Variants in CD28 observed in about 807,000 individuals in gnomAD.
The protein encoded by CD28 is CD28 molecule.
In CD28, 8 loss-of-function variants were observed where a neutral mutation model predicts 21.4. That is an observed-to-expected ratio of 0.37 (90% CI 0.22 to 0.68). The LOEUF is 0.68. CD28 is among the 30% of genes least tolerant of loss of function. The probability of loss-of-function intolerance (pLI) is 0.55; values close to 1 mark genes in which losing one functional copy is unlikely to be tolerated. For synonymous variants in CD28, 106 were observed against 104.0 expected (o/e 1.02, Z -0.12); for missense variants, 239 against 272.2 (o/e 0.88, Z 0.86).
At chr2:203,729,584 A>G (rs1693834981) in intron 2 of CD28, 64 bp from the exon 3 acceptor site, 1 of 1,506,208 alleles carries the variant, frequency 6.6e-7, no homozygotes, top group Non-Finnish European at 9.1e-7. Flanking sequence ...TGATGTTCAC[A>G]AGGAAGGAAA....
At position 203,708,480 on chromosome 2, in the gene CD28, G is replaced by A. The variant is rs76519952; in HGVS notation, c.52+1732G>A. Among the ~76,000 whole-genome samples, 1,074 of 152,320 alleles carry A rather than the reference G, an allele frequency of 7.1e-3. 18 individuals carry two copies. The highest frequency in any genetic ancestry group is 0.024 in the African/African-American group (989 of 41,576). The stretch of plus-strand genomic sequence containing the variant: ...TGAAAACTATTTAAAATTGGTAATT[G>A]TACACTAAATACTTTTCTGATGTGC... On this transcript the variant is annotated intron_variant, in intron 1 of 3. Transcript: ENST00000324106.
At chr2:203,733,221 T>C (rs995505317) in intron 3 of CD28, among the ~76,000 whole-genome samples, 1 of 152,216 alleles carries the variant, frequency 6.6e-6, no homozygotes, top group Non-Finnish European at 1.5e-5. Flanking sequence ...TTGTAGGATG[T>C]TTAGCAGCAT....
intron 3 of CD28, among the ~76,000 whole-genome samples, chr2:203,732,677 G>A (rs1003836560): frequency 3.9e-5 from 6 of 152,320 alleles, no homozygotes; most frequent in Non-Finnish European, 8.8e-5. Flanking sequence ...ATTCACTGTT[G>A]AAGGGGTGGA....
chr2:203,720,397 T>C (rs1366868812), intron 1 of CD28, among the ~76,000 whole-genome samples: 1 of 152,232 alleles, frequency 6.6e-6, no homozygotes, highest in Non-Finnish European at 1.5e-5. Context: ...TGACAATGTT[T>C]CTTTTAACCT....
chr2:203,726,751 A>G lies in CD28; in HGVS notation c.171A>G (p.Lys57=). Residue 57 remains lysine, a synonymous_variant, in exon 2 of 4, where the codon AAA becomes AAG. Transcript: ENST00000324106. ...GGGAGTTCCGGGCATCCCTTCACAA[A>G]GGACTGGATAGTGCTGTGGAAGTCT... ...FSREFRASLH[K]GLDSAVEVCV... is the part of the protein sequence containing the mutation. 6.2e-7 allele frequency: 1 copy of G among 1,614,152 alleles called. No homozygotes were observed. Among genetic ancestry groups the G allele is most frequent in the South Asian group, 1.1e-5 (1 of 91,084 alleles).
Position 203,737,855 on chromosome 2 carries a change from A to T in CD28, c.*2943A>T, listed in dbSNP as rs1694077716. ...TACTATATGTCTGCTTTAAATTTGT[A>T]CTTTAATATTGTCTTTTGGTATTAA... is the stretch of plus-strand genomic sequence containing the variant. On this transcript the variant is annotated 3_prime_UTR_variant, in exon 4 of 4. Coordinates refer to ENST00000324106, the MANE Select transcript of CD28 (RefSeq NM_006139.4). 6.6e-6 allele frequency: 1 copy of T among 152,604 alleles called. No individual in the cohort carries two copies. Among genetic ancestry groups the T allele is most frequent in the South Asian group, 2.1e-4 (1 of 4,830 alleles). The allele number at this position is 152,604 out of a possible 1,614,324, so 9.5% of individuals were successfully genotyped here.
At chr2:203,707,560 G>T (rs904165328) in intron 1 of CD28, among the ~76,000 whole-genome samples, 1 of 152,166 alleles carries the variant, frequency 6.6e-6, no homozygotes, top group Non-Finnish European at 1.5e-5. Flanking sequence ...CGGCCAAAAT[G>T]TATTTTCTTA....
chr2:203,719,244 C>CTT (rs147512678), intron 1 of CD28, among the ~76,000 whole-genome samples: 3 of 152,038 alleles, frequency 2.0e-5, no homozygotes, highest in Non-Finnish European at 2.9e-5. Flanking sequence ...TACTTCTTCT[C>CTT]TTTTTTTCCC....
intron 1 of CD28, among the ~76,000 whole-genome samples, chr2:203,725,014 G>C (rs557411582): frequency 1.4e-4 from 22 of 152,272 alleles, no homozygotes; most frequent in Admixed American, 1.3e-3. Context: ...TTGAGGGCCA[G>C]GCGCAGTGGC....
intron 1 of CD28, among the ~76,000 whole-genome samples, chr2:203,720,250 T>G (rs1166503121): frequency 6.6e-6 from 1 of 152,102 alleles, no homozygotes; most frequent in Non-Finnish European, 1.5e-5. Flanking sequence ...TCTCCACACC[T>G]TTAGCTGGTT....
intron 1 of CD28, among the ~76,000 whole-genome samples, chr2:203,717,262 A>C (rs1470440370): frequency 6.6e-6 from 1 of 152,226 alleles, no homozygotes; most frequent in Non-Finnish European, 1.5e-5. Flanking sequence ...ACTTTCTGTC[A>C]AGAACAGTTA....
chr2:203,726,093 C>G (rs895184371), intron 1 of CD28, among the ~76,000 whole-genome samples: 3 of 152,010 alleles, frequency 2.0e-5, no homozygotes, highest in Admixed American at 2.0e-4. Flanking sequence ...TACCTGTAAT[C>G]CCAGCTACTT....
intron 1 of CD28, among the ~76,000 whole-genome samples, chr2:203,720,607 A>G (rs370210113): frequency 3.9e-5 from 6 of 152,348 alleles, no homozygotes; most frequent in Admixed American, 6.5e-5. Context: ...TTCTGAGTCT[A>G]GATATGTCCT....
rs35290181 is a variant in CD28, at chr2:203,726,762, G to A, written c.182G>A (p.Ser61Asn). 83 of 1,614,022 alleles carry A rather than the reference G, an allele frequency of 5.1e-5. 2 individuals are homozygous for A. Among genetic ancestry groups the A allele is most frequent in the Non-Finnish European group, 5.0e-5 (59 of 1,180,018 alleles). ...FRASLHKGLD[S>N]AVEVCVVYGN... ...GCATCCCTTCACAAAGGACTGGATA[G>A]TGCTGTGGAAGTCTGTGTTGTATAT... The change falls in exon 2 of 4, where the codon AGT becomes AAT. Residue 61 changes from serine to asparagine, a missense_variant. By Grantham distance (46) the Ser-to-Asn change is conservative (BLOSUM62 1). Coordinates refer to ENST00000324106, the MANE Select transcript of CD28 (RefSeq NM_006139.4).
chr2:203,727,941 T>C (rs972594157), intron 2 of CD28, among the ~76,000 whole-genome samples: 2 of 152,192 alleles, frequency 1.3e-5, no homozygotes, highest in South Asian at 2.1e-4. Flanking sequence ...CCTCCCAAAG[T>C]GCTGGGATTA....
chr2:203,713,547 A>G (rs1168780772), intron 1 of CD28, among the ~76,000 whole-genome samples: 1 of 152,116 alleles, frequency 6.6e-6, no homozygotes, highest in Admixed American at 6.5e-5. Context: ...CATAAGAGGG[A>G]AAGGAGTGAA....
At chr2:203,728,004 G>T (rs1693798741) in intron 2 of CD28, among the ~76,000 whole-genome samples, 1 of 151,578 alleles carries the variant, frequency 6.6e-6, no homozygotes, top group Admixed American at 6.6e-5. Flanking sequence ...TAGAGACGGG[G>T]TTTCACCGTG....
intron 1 of CD28, among the ~76,000 whole-genome samples, chr2:203,718,585 G>A (rs922770831): frequency 1.3e-5 from 2 of 152,164 alleles, no homozygotes; most frequent in Non-Finnish European, 2.9e-5. Flanking sequence ...TTTTTCAACT[G>A]CAAAAGAAAG....
intron 3 of CD28, among the ~76,000 whole-genome samples, chr2:203,730,088 A>G (rs993710002): frequency 6.6e-6 from 1 of 152,216 alleles, no homozygotes; most frequent in Non-Finnish European, 1.5e-5. Context: ...GACACATAAA[A>G]CAGTTTTAAT....
Sources: gnomAD v4.1 joint callset for allele counts (sites outside exome capture counted in the v4.1 genomes callset) on GRCh38, gnomAD v4.1.1 for gene constraint, MANE v1.5 for transcripts, NCBI Gene and HGNC (gene_info 2026-07-23, HGNC 2026-07-21) for gene names.